The following AUTS2 variants were observed in gnomAD, a reference collection of about 807,000 sequenced individuals.
The protein encoded by AUTS2 is autism susceptibility gene 2 protein.
Under a neutral mutation model 112.4 loss-of-function variants are expected in AUTS2, and 17 were observed. The observed-to-expected ratio is 0.15, with a 90% CI of 0.10 to 0.23. The LOEUF is 0.23. Ranked by LOEUF, AUTS2 falls within the 10% of genes least tolerant of loss-of-function variation. The pLI is 1.00. For synonymous variants in AUTS2, 751 were observed against 702.7 expected, an observed-to-expected ratio of 1.07 and a Z score of -1.09; for missense variants, 1,510 against 1,701.6, an observed-to-expected ratio of 0.89 and a Z score of 1.98.
chr7:69,627,498 A>G (rs1583967340), intron 1 of AUTS2, among the ~76,000 whole-genome samples: 1 of 151,714 alleles, frequency 6.6e-6, no homozygotes, highest in East Asian at 1.9e-4. Context: ...TCTCAAAAAA[A>G]CCCCAAAAAA....
At chr7:70,643,657 T>TG (rs1403405442) in intron 5 of AUTS2, among the ~76,000 whole-genome samples, 4 of 152,236 alleles carry the variant, frequency 2.6e-5, no homozygotes, top group Non-Finnish European at 5.9e-5. Flanking sequence ...GATTTTTAAG[T>TG]GGATCCTAAG....
chr7:69,800,127 A>G (rs998695213), intron 1 of AUTS2, among the ~76,000 whole-genome samples: 2 of 152,228 alleles, frequency 1.3e-5, no homozygotes, highest in Non-Finnish European at 2.9e-5. Context: ...AGTGTAAGTC[A>G]GATAAATATG....
intron 4 of AUTS2, among the ~76,000 whole-genome samples, chr7:70,220,328 G>A (rs1811409261): frequency 6.6e-6 from 1 of 152,164 alleles, no homozygotes; most frequent in Non-Finnish European, 1.5e-5. Context: ...CCTACAGGCT[G>A]TAGTTGCCAA....
chr7:70,255,404 A>G (rs1786814099), intron 4 of AUTS2, among the ~76,000 whole-genome samples: 1 of 152,114 alleles, frequency 6.6e-6, no homozygotes, highest in African/African-American at 2.4e-5. Flanking sequence ...GGTCTTTAAA[A>G]GGCAAATAGG....
intron 4 of AUTS2, among the ~76,000 whole-genome samples, chr7:70,337,883 A>G (rs1226893450): frequency 6.6e-6 from 1 of 152,196 alleles, no homozygotes; most frequent in Non-Finnish European, 1.5e-5. Context: ...GGAAGCTATG[A>G]TTCTTTTCCA....
chr7:70,323,640 A>G (rs552338246), intron 4 of AUTS2, among the ~76,000 whole-genome samples: 3 of 152,344 alleles, frequency 2.0e-5, no homozygotes, highest in East Asian at 1.9e-4. Flanking sequence ...CCATGCCACA[A>G]TCCTGATCTC....
intron 4 of AUTS2, among the ~76,000 whole-genome samples, chr7:70,180,664 C>T (rs1014729885): frequency 7.9e-5 from 12 of 152,106 alleles, no homozygotes; most frequent in African/African-American, 2.9e-4. Flanking sequence ...TGTCTTGCTG[C>T]CCAGTTTGGC....
intron 1 of AUTS2, among the ~76,000 whole-genome samples, chr7:69,761,903 G>A (rs1452181090): frequency 2.0e-5 from 3 of 152,176 alleles, no homozygotes; most frequent in Admixed American, 6.5e-5. Context: ...TGCATGTTGG[G>A]CCTTTATTGA....
intron 5 of AUTS2, among the ~76,000 whole-genome samples, chr7:70,563,500 T>A (rs1801575795): frequency 6.6e-6 from 1 of 152,222 alleles, no homozygotes; most frequent in Non-Finnish European, 1.5e-5. Context: ...GTTTTGTCTG[T>A]CTTAACGGAT....
At chr7:69,789,917 G>A (rs960562730) in intron 1 of AUTS2, among the ~76,000 whole-genome samples, 19 of 152,126 alleles carry the variant, frequency 1.2e-4, no homozygotes, top group African/African-American at 4.6e-4. Context: ...GACAGTGAGT[G>A]AAGTATTTGC....
At chr7:70,765,071 C>T (rs534028659) in intron 8 of AUTS2, 66 bp downstream of exon 8, 160 of 1,567,892 alleles carry the variant, frequency 1.0e-4, no homozygotes, top group South Asian at 4.4e-4. Context: ...CCTCACCCTA[C>T]CTATGTTGTC....
In AUTS2 at chr7:70,789,801, C is replaced by G; in HGVS notation, c.2585C>G (p.Pro862Arg). 1 of 1,614,146 alleles carries G rather than the reference C, an allele frequency of 6.2e-7. No individual in the cohort carries two copies. The highest frequency in any genetic ancestry group is 1.3e-5 in the African/African-American group (1 of 75,066). ...CACCCTTCACCAGCACCTGTCCTCC[C>G]GGTGAATGCCCTGGGACATACCCGC... ...SSHPSPAPVL[P>R]VNALGHTRSS... Residue 862 changes from proline (P) to arginine (R), a missense_variant, in exon 19 of 19, where the codon CCG becomes CGG. Around this residue, in one of 3 missense-constraint regions of AUTS2, gnomAD observed 788 missense variants for 797.6 expected, o/e 0.99. Transcript: ENST00000342771.
At chr7:70,005,998 A>G (rs1381707534) in intron 2 of AUTS2, among the ~76,000 whole-genome samples, 1 of 152,144 alleles carries the variant, frequency 6.6e-6, no homozygotes. Context: ...TCATGAACCT[A>G]ACATTTAAAG....
chr7:69,813,699 AG>A (rs1790642421), intron 1 of AUTS2, among the ~76,000 whole-genome samples: 1 of 152,210 alleles, frequency 6.6e-6, no homozygotes, highest in East Asian at 1.9e-4. Context: ...ATATGGAAGA[AG>A]GGGAGTGTCT....
intron 6 of AUTS2, among the ~76,000 whole-genome samples, chr7:70,720,305 T>G (rs1810594798): frequency 6.6e-6 from 1 of 152,230 alleles, no homozygotes; most frequent in South Asian, 2.1e-4. Context: ...AAGGAAGTGG[T>G]AAGTACACCC....
At chr7:70,218,507 A>T (rs1247343055) in intron 4 of AUTS2, among the ~76,000 whole-genome samples, 1 of 152,110 alleles carries the variant, frequency 6.6e-6, no homozygotes, top group Non-Finnish European at 1.5e-5. Flanking sequence ...AGGGTCTGTG[A>T]TCGGCCACTG....
At chr7:70,315,603 A>C (rs1163837839) in intron 4 of AUTS2, among the ~76,000 whole-genome samples, 1 of 152,174 alleles carries the variant, frequency 6.6e-6, no homozygotes, top group Non-Finnish European at 1.5e-5. Context: ...ACCACCTGCC[A>C]GACACCTTTC....
At chr7:70,340,163 A>AACACACACAGACAC (rs1791192677) in intron 4 of AUTS2, among the ~76,000 whole-genome samples, 1 of 144,682 alleles carries the variant, frequency 6.9e-6, no homozygotes, top group Admixed American at 7.0e-5. Flanking sequence ...TATGGAGAGA[A>AACACACACAGACAC]ACACACACAC....
intron 6 of AUTS2, among the ~76,000 whole-genome samples, chr7:70,728,482 G>A (rs1232015308): frequency 2.6e-5 from 4 of 152,086 alleles, no homozygotes; most frequent in Non-Finnish European, 5.9e-5. Flanking sequence ...GCCGACACGG[G>A]TGGGTCACCT....
Sources: gnomAD v4.1 joint callset for allele counts (sites outside exome capture counted in the v4.1 genomes callset) on GRCh38, gnomAD v4.1.1 for gene constraint, gnomAD v4.1.1 regional missense constraint, MANE v1.5 for transcripts, NCBI Gene and HGNC (gene_info 2026-07-23, HGNC 2026-07-21) for gene names.